Variants in RAD18 observed in about 807,000 individuals in gnomAD.
RAD18 encodes the protein E3 ubiquitin-protein ligase RAD18.
A neutral mutation model predicts 60.4 loss-of-function variants in RAD18; 47 were observed. That is an observed-to-expected ratio of 0.78 (90% confidence interval 0.62 to 0.99). RAD18 has a LOEUF of 0.99. Among genes scored for constraint, RAD18 ranks in the 50% least tolerant of loss-of-function variants. RAD18 has a pLI of 0.00. For missense variants in RAD18, 640 were observed against 593.3 expected (o/e 1.08, Z -0.82); for synonymous variants, 225 against 195.5 (o/e 1.15, Z -1.26).
intron 6 of RAD18, 131 bp downstream of exon 6, chr3:8,939,423 G>A: frequency 1.5e-6 from 1 of 652,172 alleles, no homozygotes; most frequent in South Asian, 2.5e-5. Flanking sequence ...TGGCCAACAG[G>A]AGTAAAGAAG....
At position 8,899,019 on chromosome 3, in the gene RAD18, T is replaced by G; in HGVS notation, c.1197A>C (p.Thr399=). Residue 399 remains threonine, a synonymous_variant, in exon 11 of 13, where the codon ACA becomes ACC. Transcript: ENST00000264926. ...MGQEDNMTSV[T]NHFSQSKLDS... ...CCAGCTTTGATTGAGAAAAGTGGTT[T>G]GTTACTGAGGTCATATTATCTTCCT... 1 of 1,607,864 alleles carries G rather than the reference T, an allele frequency of 6.2e-7. No homozygotes were observed. Among genetic ancestry groups the G allele is most frequent in the Admixed American group, 1.7e-5 (1 of 59,318 alleles).
intron 7 of RAD18, among the ~76,000 whole-genome samples, chr3:8,918,318 C>CAAA (rs56365221): frequency 4.8e-4 from 35 of 72,988 alleles, no homozygotes; most frequent in African/African-American, 1.3e-3. Flanking sequence ...AACTCCATCT[C>CAAA]AAAAAAAAAA....
At chr3:8,940,031 T>C (rs1010126563) in intron 5 of RAD18, among the ~76,000 whole-genome samples, 1 of 152,234 alleles carries the variant, frequency 6.6e-6, no homozygotes, top group African/African-American at 2.4e-5. Flanking sequence ...GAAGCAATAG[T>C]AACGACTTAA....
intron 9 of RAD18, among the ~76,000 whole-genome samples, chr3:8,910,793 T>C (rs1271252092): frequency 6.6e-6 from 1 of 152,192 alleles, no homozygotes; most frequent in African/African-American, 2.4e-5. Context: ...TAAATCTCCA[T>C]CTTTCATATT....
chr3:8,928,672 A>G (rs1940493219), intron 7 of RAD18, among the ~76,000 whole-genome samples: 1 of 152,202 alleles, frequency 6.6e-6, no homozygotes, highest in Non-Finnish European at 1.5e-5. Flanking sequence ...ATATAGTTGG[A>G]TATTTCAAAA....
chr3:8,918,146 C>T (rs1940242039), intron 7 of RAD18, among the ~76,000 whole-genome samples: 1 of 151,734 alleles, frequency 6.6e-6, no homozygotes, highest in Non-Finnish European at 1.5e-5. Context: ...GGTGAAATCC[C>T]GTCCCTACTG....
In RAD18 at chr3:8,937,201, G is replaced by A. The variant is rs114071641; in HGVS notation, c.705-1146C>T. On this transcript the variant is annotated intron_variant, in intron 6 of 12. Transcript: ENST00000264926. The stretch of plus-strand genomic sequence containing the variant: ...GGTAGCAACAGCTGAATCATTTTGT[G>A]TTTACAGAAGCACACAGGGAGAGAT... Among the ~76,000 whole-genome samples the A allele has an allele frequency of 5.5e-3, 831 of 152,242 alleles. 4 individuals are homozygous for A. The highest frequency in any genetic ancestry group is 8.3e-3 in the Non-Finnish European group (563 of 68,000).
At chr3:8,891,078 ATAT>A (rs368466804) in intron 11 of RAD18, among the ~76,000 whole-genome samples, 92,003 of 129,788 alleles carry the variant, frequency 0.71, 30,357 homozygotes, top group South Asian at 0.77. Context: ...TATATAAAAT[ATAT>A]ATATATATAT....
At chr3:8,952,889 CCTTGA>C (rs1240714197) in intron 2 of RAD18, among the ~76,000 whole-genome samples, 3 of 152,210 alleles carry the variant, frequency 2.0e-5, no homozygotes, top group Non-Finnish European at 2.9e-5. Flanking sequence ...TACAGATGCT[CCTTGA>C]CTTAACATGG....
intron 7 of RAD18, among the ~76,000 whole-genome samples, chr3:8,917,657 A>G (rs934360422): frequency 7.9e-5 from 12 of 151,470 alleles, no homozygotes; most frequent in African/African-American, 2.4e-4. Context: ...TAATAAGACA[A>G]TAATAGAAAT....
chr3:8,944,042 G>T (rs1000177085), intron 4 of RAD18, among the ~76,000 whole-genome samples: 1 of 152,048 alleles, frequency 6.6e-6, no homozygotes, highest in Non-Finnish European at 1.5e-5. Context: ...TAACAAAACT[G>T]TTAATCCCTA....
At chr3:8,944,724 A>G (rs1034530118) in intron 4 of RAD18, among the ~76,000 whole-genome samples, 3 of 152,098 alleles carry the variant, frequency 2.0e-5, no homozygotes, top group African/African-American at 7.2e-5. Context: ...CTATACAATA[A>G]CCTTACCTCT....
chr3:8,949,594 GA>G (rs1418921747), intron 2 of RAD18, among the ~76,000 whole-genome samples: 1 of 152,150 alleles, frequency 6.6e-6, no homozygotes, highest in African/African-American at 2.4e-5. Flanking sequence ...TGAACAAACT[GA>G]AAAACCAACA....
Position 8,935,971 on chromosome 3 carries a change from A to G in RAD18, c.789T>C (p.His263=), listed in dbSNP as rs1476690551. The G allele has an allele frequency of 3.1e-6, 5 of 1,610,586 alleles. No homozygotes were observed. In the East Asian group the frequency reaches 1.1e-4, roughly 36 times the overall value. ...GTTTATTTCCTTGAATAGATAATCC[A>G]TGCTCTTTTAGCTTTTTCTTTAAAT... ...DRDLKKKLKE[H]GLSIQGNKQQ... Residue 263 remains histidine, a synonymous_variant, in exon 7 of 13, where the codon CAT becomes CAC. Coordinates refer to ENST00000264926, the MANE Select transcript of RAD18 (RefSeq NM_020165.4).
chr3:8,903,398 A>G (rs905883485), intron 9 of RAD18, among the ~76,000 whole-genome samples: 1 of 142,300 alleles, frequency 7.0e-6, no homozygotes, highest in Non-Finnish European at 1.5e-5. Context: ...TTGAATCATC[A>G]TAACAAAGGA....
chr3:8,958,692 C>T (rs1206791899), intron 2 of RAD18, among the ~76,000 whole-genome samples: 1 of 152,012 alleles, frequency 6.6e-6, no homozygotes, highest in African/African-American at 2.4e-5. Context: ...GCCATAAATG[C>T]TATAAGAATC....
At chr3:8,930,935 TA>T (rs759812705) in intron 7 of RAD18, among the ~76,000 whole-genome samples, 1 of 151,928 alleles carries the variant, frequency 6.6e-6, no homozygotes, top group Non-Finnish European at 1.5e-5. Flanking sequence ...GAAATTCATT[TA>T]AAAAAAAGAT....
At chr3:8,953,478 G>C (rs1048646876) in intron 2 of RAD18, among the ~76,000 whole-genome samples, 5 of 152,040 alleles carry the variant, frequency 3.3e-5, no homozygotes, top group African/African-American at 4.8e-5. Context: ...AATATGTACT[G>C]GTAAGCTGCA....
chr3:8,925,605 C>CA (rs1017679277), intron 7 of RAD18, among the ~76,000 whole-genome samples: 2 of 151,996 alleles, frequency 1.3e-5, no homozygotes, highest in South Asian at 2.1e-4. Context: ...AAAGACACAA[C>CA]AAAAAAAGAG....
Sources: allele counts gnomAD v4.1 joint callset (sites outside exome capture counted in the v4.1 genomes callset), GRCh38; gene constraint gnomAD v4.1.1; transcripts MANE v1.5; gene names NCBI Gene and HGNC (gene_info 2026-07-23, HGNC 2026-07-21).